Variants in COMMD9 observed in about 807,000 individuals in gnomAD.
COMMD9 encodes COMM domain-containing protein 9.
COMMD9 carries 22 observed loss-of-function variants against 23.4 expected under a neutral mutation model. The observed-to-expected ratio is 0.94, with a 90% confidence interval of 0.67 to 1.34. The LOEUF (loss-of-function observed/expected upper bound fraction) is 1.34. Ranked by LOEUF, COMMD9 falls within the 40% of genes most tolerant of loss-of-function variation. The pLI, the probability that COMMD9 is intolerant of heterozygous loss-of-function variation, is 0.00. For synonymous variants in COMMD9, 99 were observed against 97.4 expected (o/e 1.02, Z -0.10); for missense variants, 231 against 240.2 (o/e 0.96, Z 0.25).
chr11:36,285,580 C>T (rs1213018081), intron 1 of COMMD9, among the ~76,000 whole-genome samples: 1 of 151,888 alleles, frequency 6.6e-6, no homozygotes, highest in African/African-American at 2.4e-5. Context: ...AACTACAGAC[C>T]AATATCCCTC....
intron 3 of COMMD9, among the ~76,000 whole-genome samples, chr11:36,277,667 T>C (rs1855996974): frequency 6.6e-6 from 1 of 152,172 alleles, no homozygotes; most frequent in Non-Finnish European, 1.5e-5. Context: ...TCAATTCTGC[T>C]TAAAATGTAC....
chr11:36,285,451 C>G (rs1458965786), intron 1 of COMMD9, among the ~76,000 whole-genome samples: 1 of 152,056 alleles, frequency 6.6e-6, no homozygotes, highest in Admixed American at 6.5e-5. Context: ...ACTGATTCTA[C>G]ACAATCTCCA....
rs1855975920 is a variant in COMMD9, at chr11:36,276,520, A to C, written c.353-280T>G. On this transcript the variant is annotated intron_variant, in intron 4 of 5. Coordinates refer to ENST00000263401, the MANE Select transcript of COMMD9 (RefSeq NM_014186.4). ...AGATGTTAGGGCAGAATGAGAAGTGACATAAAGCAGAGAAGAAATCATGGC... is the reference window on the plus strand; with the variant it reads ...AGATGTTAGGGCAGAATGAGAAGTGCCATAAAGCAGAGAAGAAATCATGGC... The C allele has an allele frequency of 8.2e-6, 3 of 365,058 alleles. No homozygotes were observed. In the East Asian group the frequency reaches 1.3e-4, roughly 16 times the overall value. 22.6% of individuals were successfully genotyped at this position (365,058 alleles called of 1,614,324 possible).
intron 2 of COMMD9, among the ~76,000 whole-genome samples, chr11:36,280,036 A>T (rs1160498313): frequency 6.6e-6 from 1 of 152,196 alleles, no homozygotes; most frequent in East Asian, 1.9e-4. Context: ...AGCCTGGGGC[A>T]TCGAGGCTGC....
At chr11:36,279,014 A>T (rs769291641) in intron 2 of COMMD9, among the ~76,000 whole-genome samples, 2 of 152,202 alleles carry the variant, frequency 1.3e-5, no homozygotes, top group Non-Finnish European at 2.9e-5. Flanking sequence ...CATTGGTCCA[A>T]GGCTCTGGAC....
At chr11:36,279,392 C>T (rs1309395615) in intron 2 of COMMD9, among the ~76,000 whole-genome samples, 2 of 152,162 alleles carry the variant, frequency 1.3e-5, no homozygotes, top group Non-Finnish European at 1.5e-5. Flanking sequence ...ACTTAGCTAA[C>T]CTAAAAAAGC....
At chr11:36,281,558 T>C (rs1856067135) in intron 1 of COMMD9, among the ~76,000 whole-genome samples, 1 of 152,164 alleles carries the variant, frequency 6.6e-6, no homozygotes, top group Non-Finnish European at 1.5e-5. Flanking sequence ...CCTTACCCAG[T>C]GGTAACAAGG....
intron 2 of COMMD9, 21 bp from the exon 3 acceptor site, chr11:36,278,637 C>G: frequency 1.9e-6 from 3 of 1,610,032 alleles, no homozygotes; most frequent in Non-Finnish European, 1.7e-6. Flanking sequence ...AACGGAACCA[C>G]CTGTAGCTGT....
chr11:36,288,455 A>G (rs1856209908), intron 1 of COMMD9, among the ~76,000 whole-genome samples: 1 of 152,090 alleles, frequency 6.6e-6, no homozygotes, highest in African/African-American at 2.4e-5. Context: ...AGCTAGCGAC[A>G]AGTTCTACGA....
intron 1 of COMMD9, among the ~76,000 whole-genome samples, chr11:36,286,452 A>T (rs1242932447): frequency 7.0e-6 from 1 of 143,788 alleles, no homozygotes; most frequent in Non-Finnish European, 1.5e-5. Context: ...AAAAAAAATC[A>T]GCCTGGAGGG....
At chr11:36,287,169 G>A (rs141371443) in intron 1 of COMMD9, among the ~76,000 whole-genome samples, 9,807 of 10,234 alleles carry the variant, frequency 0.96, 4,691 homozygotes, top group Middle Eastern at 1. Context: ...TATGTATATC[G>A]CGTAGTATGT....
At chr11:36,275,546 C>T (rs552510790) in intron 5 of COMMD9, among the ~76,000 whole-genome samples, 8 of 151,536 alleles carry the variant, frequency 5.3e-5, no homozygotes, top group South Asian at 2.1e-4. Flanking sequence ...TTGGTTCAAG[C>T]GATTCTCCTC....
In COMMD9 at chr11:36,280,851, C is replaced by T. The variant is rs368850301; in HGVS notation, c.52-14G>A. On this transcript the variant is annotated splice_polypyrimidine_tract_variant and intron_variant, in intron 1 of 5. Transcript: ENST00000263401. ...TTTCGAGGAGGCCTATGAATTAAAT[C>T]ACAGATAGGAAAAAAAAAAACTCAG... The T allele has an allele frequency of 3.3e-6, 5 of 1,530,980 alleles. No individual in the cohort carries two copies. The African/African-American group carries it at 7.1e-5, about 22-fold the overall frequency. The allele number at this position is 1,530,980 out of a possible 1,614,324, so 94.8% of individuals were successfully genotyped here.
At chr11:36,287,564 C>T (rs1315663887) in intron 1 of COMMD9, among the ~76,000 whole-genome samples, 1 of 151,314 alleles carries the variant, frequency 6.6e-6, no homozygotes, top group Non-Finnish European at 1.5e-5. Flanking sequence ...TTATTTCTTA[C>T]AACTACATAT....
In COMMD9 at chr11:36,280,711, C is replaced by A. The variant is rs1856050575; in HGVS notation, c.177+1G>T. 3.8e-6 allele frequency: 6 copies of A among 1,592,910 alleles called. No individual in the cohort carries two copies. In the African/African-American group the frequency reaches 8.1e-5, roughly 22 times the overall value. ...CAAAGATCATTTCTGACCACACTTA[C>A]TTCCTCTGCCTCCTCCTGGGTCACA... On this transcript the variant is annotated splice_donor_variant, in intron 2 of 5. Coordinates refer to ENST00000263401, the MANE Select transcript of COMMD9 (RefSeq NM_014186.4). LOFTEE classifies it high-confidence loss of function.
In COMMD9 at chr11:36,278,269, GA is replaced by G. The variant is rs1485748733; in HGVS notation, c.317+207del. ...CAACCTCTTACAGAGGTGTAAAGAGGAAAAAAAAAACATGTTTTAAAAGGCT... is the reference window on the plus strand; with the variant it reads ...CAACCTCTTACAGAGGTGTAAAGAGGAAAAAAAAACATGTTTTAAAAGGCT... On this transcript the variant is annotated intron_variant, in intron 3 of 5. Transcript: ENST00000263401. 1,462 of 435,308 alleles carry G rather than the reference GA, an allele frequency of 3.4e-3. 3 individuals are homozygous for G. The highest frequency in any genetic ancestry group is 4.5e-3 in the African/African-American group (188 of 42,150). 27.0% of individuals were successfully genotyped at this position (435,308 alleles called of 1,614,324 possible). A position where few individuals can be genotyped will look rare whatever the true frequency, so the allele number is the denominator to read the frequency against.
chr11:36,278,442 AAGTT>A (rs754949942), intron 3 of COMMD9, 31 bp downstream of exon 3: 2 of 1,565,776 alleles, frequency 1.3e-6, no homozygotes, highest in South Asian at 1.1e-5. Flanking sequence ...AGAAATGTAA[AAGTT>A]AGAAGGGACT....
intron 1 of COMMD9, 143 bp downstream of exon 1, chr11:36,289,219 G>GC: frequency 1.6e-6 from 1 of 638,258 alleles, no homozygotes; most frequent in South Asian, 3.0e-5. Flanking sequence ...TCAGAAAGAC[G>GC]CAACGATTTG....
chr11:36,278,418 G>C, intron 3 of COMMD9, 59 bp downstream of exon 3: 3 of 1,479,096 alleles, frequency 2.0e-6, no homozygotes, highest in Admixed American at 1.7e-5. Context: ...TCTAGAATGA[G>C]AATAAAAATA....
Sources: allele counts gnomAD v4.1 joint callset (sites outside exome capture counted in the v4.1 genomes callset), GRCh38; gene constraint gnomAD v4.1.1; transcripts MANE v1.5; gene names NCBI Gene and HGNC (gene_info 2026-07-23, HGNC 2026-07-21).